NBAS: variants seen among roughly 807,000 people sequenced by gnomAD.
The protein encoded by NBAS is NBAS subunit of NRZ tethering complex, also known as NAG/BC035112 fusion.
Under a neutral mutation model 302.5 loss-of-function variants are expected in NBAS, and 219 were observed. That is an observed-to-expected ratio of 0.72 (90% CI 0.65 to 0.81). The LOEUF (loss-of-function observed/expected upper bound fraction) is 0.81. Ranked by LOEUF, NBAS falls within the 30% of genes least tolerant of loss-of-function variation. The pLI is 0.00. For missense variants in NBAS, 2,932 were observed against 2,841.6 expected, an observed-to-expected ratio of 1.03 and a Z score of -0.72; for synonymous variants, 1,118 against 1,021.6, an observed-to-expected ratio of 1.09 and a Z score of -1.80.
At chr2:15,417,505 A>G in intron 24 of NBAS, 22 bp downstream of exon 24, 2 of 1,589,492 alleles carry the variant, frequency 1.3e-6, no homozygotes, top group East Asian at 4.5e-5. Context: ...ATATTTAAAA[A>G]GGAAGTTAAA....
intron 44 of NBAS, among the ~76,000 whole-genome samples, chr2:15,245,162 C>T (rs1160105454): frequency 6.6e-6 from 1 of 152,154 alleles, no homozygotes; most frequent in Non-Finnish European, 1.5e-5. Context: ...CGTGTAATGG[C>T]TTCCCAACTC....
chr2:15,293,624 C>T (rs968092226), intron 40 of NBAS, among the ~76,000 whole-genome samples: 1 of 149,112 alleles, frequency 6.7e-6, no homozygotes, highest in Non-Finnish European at 1.5e-5. Context: ...GGAAGACATG[C>T]TACATATTTA....
At chr2:15,403,184 T>A (rs1676236623) in intron 25 of NBAS, among the ~76,000 whole-genome samples, 5 of 152,148 alleles carry the variant, frequency 3.3e-5, no homozygotes, top group African/African-American at 7.2e-5. Flanking sequence ...TAGTAGAAAC[T>A]CATCAGTAAA....
the NBAS span, among the ~76,000 whole-genome samples, chr2:14,999,058 A>T: frequency 6.6e-6 from 1 of 152,134 alleles, no homozygotes; most frequent in Non-Finnish European, 1.5e-5. Flanking sequence ...ACCCTCTAAA[A>T]GTCTCTTCAC....
chr2:15,260,344 T>C (rs1219916135), intron 44 of NBAS, among the ~76,000 whole-genome samples: 17 of 152,226 alleles, frequency 1.1e-4, no homozygotes, highest in Non-Finnish European at 1.6e-4. Context: ...GCAAATTCCC[T>C]GGCTCTTATC....
At chr2:14,959,902 A>G in the NBAS span, among the ~76,000 whole-genome samples, 1 of 152,074 alleles carries the variant, frequency 6.6e-6, no homozygotes, top group South Asian at 2.1e-4. Context: ...AATTTCTATC[A>G]TTTCCTTTAG....
the NBAS span, among the ~76,000 whole-genome samples, chr2:14,867,972 G>A: frequency 2.0e-5 from 3 of 152,270 alleles, no homozygotes; most frequent in East Asian, 5.8e-4. Flanking sequence ...AAATGAAGTG[G>A]CATTCAAACC....
At chr2:15,253,454 G>A (rs1444879699) in intron 44 of NBAS, among the ~76,000 whole-genome samples, 1 of 152,136 alleles carries the variant, frequency 6.6e-6, no homozygotes, top group Non-Finnish European at 1.5e-5. Context: ...GGGGCCACTG[G>A]GGGTGCCATG....
At chr2:15,383,515 G>A (rs1489105682) in intron 28 of NBAS, among the ~76,000 whole-genome samples, 198 bp from the exon 29 acceptor site, 1 of 152,136 alleles carries the variant, frequency 6.6e-6, no homozygotes, top group African/African-American at 2.4e-5. Flanking sequence ...GGGAAAGTTG[G>A]GCAGCTATGC....
chr2:14,933,045 A>G, the NBAS span, among the ~76,000 whole-genome samples: 3 of 152,360 alleles, frequency 2.0e-5, no homozygotes, highest in African/African-American at 7.2e-5. Flanking sequence ...CATATACAAT[A>G]GTAAAGTGTG....
At chr2:15,473,872 C>A (rs569425292) in intron 15 of NBAS, among the ~76,000 whole-genome samples, 195 bp downstream of exon 15, 1 of 152,270 alleles carries the variant, frequency 6.6e-6, no homozygotes, top group South Asian at 2.1e-4. Flanking sequence ...AATTTTTATC[C>A]ATGGTTTTGA....
At chr2:14,860,444 T>G in the NBAS span, among the ~76,000 whole-genome samples, 3 of 152,162 alleles carry the variant, frequency 2.0e-5, no homozygotes, top group African/African-American at 7.2e-5. Flanking sequence ...TGCCCATCAA[T>G]TGATAAATGG....
At chr2:15,057,172 C>G in the NBAS span, among the ~76,000 whole-genome samples, 1 of 152,058 alleles carries the variant, frequency 6.6e-6, no homozygotes, top group Non-Finnish European at 1.5e-5. Context: ...CCAGCCTAGA[C>G]CTGTGGCCTC....
At chr2:14,975,278 C>T in the NBAS span, among the ~76,000 whole-genome samples, 1 of 152,182 alleles carries the variant, frequency 6.6e-6, no homozygotes, top group Admixed American at 6.5e-5. Context: ...TTGTTTTAAG[C>T]TGCCAAGTTT....
At chr2:15,185,325 A>G (rs1209073832) in intron 50 of NBAS, among the ~76,000 whole-genome samples, 1 of 152,248 alleles carries the variant, frequency 6.6e-6, no homozygotes, top group Non-Finnish European at 1.5e-5. Flanking sequence ...ACCTCCTGTT[A>G]GGCAGTAACA....
chr2:15,448,350 C>T (rs1678849063), intron 21 of NBAS, among the ~76,000 whole-genome samples: 1 of 152,144 alleles, frequency 6.6e-6, no homozygotes, highest in Non-Finnish European at 1.5e-5. Context: ...GTCTAATGAA[C>T]ACCACTTATA....
At chr2:14,993,472 T>C in the NBAS span, among the ~76,000 whole-genome samples, 3 of 152,318 alleles carry the variant, frequency 2.0e-5, no homozygotes, top group Non-Finnish European at 2.9e-5. Context: ...TCCATTCTTA[T>C]TGGTCATTTA....
At chr2:14,873,402 A>C in the NBAS span, among the ~76,000 whole-genome samples, 1 of 152,148 alleles carries the variant, frequency 6.6e-6, no homozygotes, top group Admixed American at 6.5e-5. Context: ...TTTTTAGTAG[A>C]GATGGGATTT....
intron 30 of NBAS, among the ~76,000 whole-genome samples, chr2:15,378,898 G>A (rs1412558684): frequency 6.6e-6 from 1 of 152,098 alleles, no homozygotes; most frequent in Non-Finnish European, 1.5e-5. Flanking sequence ...ATACAGAGGT[G>A]ATACATGTTT....
Sources: allele counts gnomAD v4.1 joint callset (sites outside exome capture counted in the v4.1 genomes callset), GRCh38; gene constraint gnomAD v4.1.1; transcripts MANE v1.5; gene names NCBI Gene and HGNC (gene_info 2026-07-23, HGNC 2026-07-21).